Variants in ENOX1 observed in about 807,000 individuals in gnomAD.
The protein encoded by ENOX1 is ecto-NOX disulfide-thiol exchanger 1.
Under a neutral mutation model 82.5 loss-of-function variants are expected in ENOX1, and 42 were observed. The ratio of observed to expected loss-of-function variants is 0.51; its 90% CI spans 0.40 to 0.66. ENOX1 has a LOEUF of 0.66. Ranked by LOEUF, ENOX1 falls within the 30% of genes least tolerant of loss-of-function variation. ENOX1 has a pLI of 0.00. For missense variants in ENOX1, 608 were observed against 811.6 expected, an observed-to-expected ratio of 0.75 and a Z score of 3.05; for synonymous variants, 271 against 282.2, an observed-to-expected ratio of 0.96 and a Z score of 0.40.
intron 14 of ENOX1, among the ~76,000 whole-genome samples, chr13:43,247,828 CATAT>C (rs71214135): frequency 1.4e-3 from 52 of 37,048 alleles, no homozygotes; most frequent in African/African-American, 3.0e-3. Context: ...ACAGATGCAA[CATAT>C]ATATATATAT....
At chr13:43,753,292 A>G (rs1235722086) in intron 1 of ENOX1, among the ~76,000 whole-genome samples, 1 of 152,236 alleles carries the variant, frequency 6.6e-6, no homozygotes, top group Non-Finnish European at 1.5e-5. Context: ...GAGACTTTTT[A>G]TCAAATACAA....
chr13:43,370,145 A>C lies in ENOX1; in HGVS notation c.209-8693T>G, dbSNP rs140397867. On this transcript the variant is annotated intron_variant, in intron 5 of 16. Coordinates refer to ENST00000690772, the MANE Select transcript of ENOX1 (RefSeq NM_001347969.2). ...CACTTTGGGAGGCTGAGGCAGGTGG[A>C]TCACGAAGTCCAGAGATCGAGACCA... Among the ~76,000 whole-genome samples the C allele has an allele frequency of 2.4e-3, 365 of 152,276 alleles. 1 individual carries two copies. Among genetic ancestry groups the C allele is most frequent in the African/African-American group, 8.4e-3 (348 of 41,560 alleles).
chr13:43,364,322 C>T (rs763553284), intron 5 of ENOX1, among the ~76,000 whole-genome samples: 1 of 152,218 alleles, frequency 6.6e-6, no homozygotes, highest in Non-Finnish European at 1.5e-5. Flanking sequence ...TTCTACTCAG[C>T]GCAAAGAGGA....
intron 15 of ENOX1, among the ~76,000 whole-genome samples, chr13:43,231,874 A>G (rs2042298942): frequency 6.6e-6 from 1 of 152,200 alleles, no homozygotes; most frequent in Non-Finnish European, 1.5e-5. Flanking sequence ...AGTACCAGAT[A>G]TGCCTGCTTT....
intron 2 of ENOX1, among the ~76,000 whole-genome samples, chr13:43,615,743 G>C (rs2082379863): frequency 6.6e-6 from 1 of 151,538 alleles, no homozygotes; most frequent in Admixed American, 6.6e-5. Flanking sequence ...CCCTCCCCTA[G>C]CCCCTCACCC....
intron 12 of ENOX1, among the ~76,000 whole-genome samples, chr13:43,271,490 C>T (rs1162646030): frequency 2.0e-5 from 3 of 152,140 alleles, no homozygotes; most frequent in East Asian, 1.9e-4. Flanking sequence ...ATCTGTAACA[C>T]ATACTGCTTT....
At chr13:43,454,464 C>T (rs956703697) in intron 3 of ENOX1, among the ~76,000 whole-genome samples, 5 of 152,094 alleles carry the variant, frequency 3.3e-5, no homozygotes, top group African/African-American at 1.2e-4. Context: ...TTTAACTATG[C>T]TATTTACATC....
At chr13:43,614,542 C>CTTTT (rs9316046) in intron 2 of ENOX1, among the ~76,000 whole-genome samples, 37,548 of 129,590 alleles carry the variant, frequency 0.29, 6,233 homozygotes, top group Non-Finnish European at 0.34. Flanking sequence ...AAATAAAGGG[C>CTTTT]TTTTTTTTTT....
intron 2 of ENOX1, among the ~76,000 whole-genome samples, chr13:43,590,237 A>G (rs981729451): frequency 8.5e-5 from 13 of 152,236 alleles, no homozygotes; most frequent in African/African-American, 2.6e-4. Flanking sequence ...ACAAATTAGA[A>G]CTCACTTGAA....
intron 1 of ENOX1, among the ~76,000 whole-genome samples, chr13:43,746,020 T>TA (rs771286077): frequency 9.9e-5 from 15 of 152,184 alleles, no homozygotes; most frequent in Non-Finnish European, 1.9e-4. Context: ...AATGGACTAA[T>TA]ATAACCACTT....
intron 12 of ENOX1, among the ~76,000 whole-genome samples, chr13:43,287,314 C>CTGAG (rs2045751247): frequency 6.6e-6 from 1 of 152,342 alleles, no homozygotes; most frequent in African/African-American, 2.4e-5. Flanking sequence ...CTCTGTGAGC[C>CTGAG]TGAGTCTTCT....
At chr13:43,533,640 A>T (rs2078327133) in intron 2 of ENOX1, among the ~76,000 whole-genome samples, 1 of 152,148 alleles carries the variant, frequency 6.6e-6, no homozygotes, top group Non-Finnish European at 1.5e-5. Flanking sequence ...ATTAATTTTT[A>T]AAATTAGTTT....
intron 2 of ENOX1, among the ~76,000 whole-genome samples, chr13:43,530,006 G>C (rs2078143144): frequency 6.6e-6 from 1 of 152,088 alleles, no homozygotes; most frequent in Non-Finnish European, 1.5e-5. Flanking sequence ...AGATCCTTCT[G>C]AATCAGTGAC....
At chr13:43,669,817 G>C (rs2085169499) in intron 1 of ENOX1, among the ~76,000 whole-genome samples, 1 of 152,128 alleles carries the variant, frequency 6.6e-6, no homozygotes, top group Admixed American at 6.5e-5. Flanking sequence ...ATGATTGAGA[G>C]AGGAAAGAAA....
At chr13:43,308,870 T>G (rs1313200996) in intron 11 of ENOX1, among the ~76,000 whole-genome samples, 1 of 152,180 alleles carries the variant, frequency 6.6e-6, no homozygotes, top group East Asian at 1.9e-4. Flanking sequence ...CCTTAATTGT[T>G]TATTTCTCAC....
At position 43,640,788 on chromosome 13, in the gene ENOX1, AGAAAGT is replaced by A. The variant is rs2083602048; in HGVS notation, c.-219+26685_-219+26690del. On this transcript the variant is annotated intron_variant, in intron 2 of 16. Coordinates refer to ENST00000690772, the MANE Select transcript of ENOX1 (RefSeq NM_001347969.2). ...AGCATGGCTGGTGCTCACTGACTGA[AGAAAGT>A]GAGATATTTTAATTGTTAAGATTTA... Among the ~76,000 whole-genome samples the A allele has an allele frequency of 2.0e-5, 3 of 152,248 alleles. No homozygotes were observed. The South Asian group carries it at 6.2e-4, about 32-fold the overall frequency.
intron 15 of ENOX1, among the ~76,000 whole-genome samples, chr13:43,231,203 A>G (rs749200799): frequency 6.6e-6 from 1 of 152,166 alleles, no homozygotes; most frequent in Non-Finnish European, 1.5e-5. Flanking sequence ...CCAGCCTGAA[A>G]TAGTCTTGTT....
chr13:43,561,331 A>ACC (rs899875762), intron 2 of ENOX1, among the ~76,000 whole-genome samples: 4 of 152,194 alleles, frequency 2.6e-5, no homozygotes, highest in Admixed American at 2.6e-4. Context: ...GGCAGAGTAT[A>ACC]CCCCGGAGCT....
intron 5 of ENOX1, among the ~76,000 whole-genome samples, chr13:43,367,291 T>C (rs1185603743): frequency 6.6e-6 from 1 of 152,236 alleles, no homozygotes; most frequent in Non-Finnish European, 1.5e-5. Flanking sequence ...CCAAAAGATA[T>C]GTTAATTATT....
Sources: gnomAD v4.1 joint callset for allele counts (sites outside exome capture counted in the v4.1 genomes callset) on GRCh38, gnomAD v4.1.1 for gene constraint, MANE v1.5 for transcripts, NCBI Gene and HGNC (gene_info 2026-07-23, HGNC 2026-07-21) for gene names.